MLEC: variants seen among roughly 807,000 people sequenced by gnomAD.
The protein encoded by MLEC is oligosaccharyltransferase complex subunit (non-catalytic).
A neutral mutation model predicts 28.7 loss-of-function variants in MLEC; 7 were observed. The observed-to-expected ratio is 0.24, with a 90% CI of 0.14 to 0.46. MLEC has a LOEUF of 0.46. Among genes scored for constraint, MLEC ranks in the 20% least tolerant of loss-of-function variants. The pLI is 0.99. For missense variants in MLEC, 237 were observed against 391.1 expected, an observed-to-expected ratio of 0.61 and a Z score of 3.32; for synonymous variants, 142 against 164.4, an observed-to-expected ratio of 0.86 and a Z score of 1.04.
rs1323306151 is a variant in MLEC, at chr12:120,698,221, G to GT, written c.*1682dup. 4 of 152,260 alleles carry GT rather than the reference G, an allele frequency of 2.6e-5. No individual in the cohort carries two copies. The highest frequency in any genetic ancestry group is 2.1e-4 in the South Asian group (1 of 4,824). 9.4% of individuals were successfully genotyped at this position (152,260 alleles called of 1,614,324 possible). On this transcript the variant is annotated 3_prime_UTR_variant, in exon 5 of 5. Coordinates refer to ENST00000228506, the MANE Select transcript of MLEC (RefSeq NM_014730.4). ...ATTTTGAGTTTGCTTTATTAGATAT[G>GT]TTTTTTAAGAGCTCTGTATATTTGA...
At chr12:120,689,393 G>A (rs1280889852) in intron 1 of MLEC, among the ~76,000 whole-genome samples, 1 of 152,158 alleles carries the variant, frequency 6.6e-6, no homozygotes, top group African/African-American at 2.4e-5. Context: ...TGGCCCTTGG[G>A]GCATTGTATA....
rs1464437771 is a variant in MLEC, at chr12:120,699,195, ACT to A, written c.*2651_*2652del. 2.0e-5 allele frequency: 3 copies of A among 152,426 alleles called. No individual in the cohort carries two copies. The highest frequency in any genetic ancestry group is 2.9e-5 in the Non-Finnish European group (2 of 68,030). The allele number at this position is 152,426 out of a possible 1,614,324, so 9.4% of individuals were successfully genotyped here. A position where few individuals can be genotyped will look rare whatever the true frequency, so the allele number is the denominator to read the frequency against. On this transcript the variant is annotated 3_prime_UTR_variant, in exon 5 of 5. Transcript: ENST00000228506. The stretch of plus-strand genomic sequence containing the variant: ...CTGTTGTTCACCTTTTGCTTTTTGC[ACT>A]GTTTGTTCTCTTATCTGTATTTTGA...
chr12:120,688,700 G>A (rs1329933723), intron 1 of MLEC, among the ~76,000 whole-genome samples: 1 of 151,468 alleles, frequency 6.6e-6, no homozygotes, highest in Non-Finnish European at 1.5e-5. Context: ...TTCCCAAGTC[G>A]ATTGCAGTGT....
In MLEC at chr12:120,687,540, C is replaced by A. The variant is rs766815713; in HGVS notation, c.235+9C>A. 1 of 1,492,236 alleles carries A rather than the reference C, an allele frequency of 6.7e-7. No individual in the cohort carries two copies. The highest frequency in any genetic ancestry group is 8.9e-7 in the Non-Finnish European group (1 of 1,121,486). 92.4% of individuals were successfully genotyped at this position (1,492,236 alleles called of 1,614,324 possible). ...AGGCCGGGTGGGCCGAGGTGAGAGT[C>A]CCCCTGCCGAGCCGCGGGATCCAGG... On this transcript the variant is annotated intron_variant, in intron 1 of 4. Coordinates refer to ENST00000228506, the MANE Select transcript of MLEC (RefSeq NM_014730.4). The surrounding 1 kb of genome is among the most constrained non-coding windows in gnomAD (Gnocchi z 8.1).
chr12:120,687,249 G>T lies in MLEC; in HGVS notation c.-48G>T. On this transcript the variant is annotated 5_prime_UTR_variant, in exon 1 of 5. Coordinates refer to ENST00000228506, the MANE Select transcript of MLEC (RefSeq NM_014730.4). The surrounding 1 kb of genome is among the most constrained non-coding windows in gnomAD (Gnocchi z 8.1). ...CTGAGTCCGGGGTGGCCTGGCAGCC[G>T]GCCGAGGACGAGGGTCGGCGGGGGC... The T allele has an allele frequency of 7.4e-7, 1 of 1,355,584 alleles. No individual in the cohort carries two copies. Among genetic ancestry groups the T allele is most frequent in the South Asian group, 1.9e-5 (1 of 53,314 alleles). 84.0% of individuals were successfully genotyped at this position (1,355,584 alleles called of 1,614,324 possible). A position where few individuals can be genotyped will look rare whatever the true frequency, so the allele number is the denominator to read the frequency against.
Position 120,687,644 on chromosome 12 carries a change from GAA to G in MLEC, c.235+114_235+115del. The G allele has an allele frequency of 1.3e-6, 1 of 791,746 alleles. No individual in the cohort carries two copies. Among genetic ancestry groups the G allele is most frequent in the Non-Finnish European group, 1.8e-6 (1 of 548,606 alleles). The allele number at this position is 791,746 out of a possible 1,614,324, so 49.0% of individuals were successfully genotyped here. A position where few individuals can be genotyped will look rare whatever the true frequency, so the allele number is the denominator to read the frequency against. The stretch of plus-strand genomic sequence containing the variant: ...GACCCTGGGGCCGCGTCTCTGGAGC[GAA>G]GTTTCTCTCTGCAGCTTCTTCGGGG... On this transcript the variant is annotated intron_variant, in intron 1 of 4. Transcript: ENST00000228506. This position sits in a 1 kb window ranked among gnomAD's most constrained non-coding sequence, Gnocchi z 8.1.
At position 120,695,017 on chromosome 12, in the gene MLEC, G is replaced by T; in HGVS notation, c.591+17G>T. The T allele has an allele frequency of 6.2e-7, 1 of 1,613,908 alleles. No individual in the cohort carries two copies. Among genetic ancestry groups the T allele is most frequent in the Non-Finnish European group, 8.5e-7 (1 of 1,179,794 alleles). On this transcript the variant is annotated intron_variant, in intron 3 of 4. Transcript: ENST00000228506. ...TTTGTCAAGGTAATTCCCCTATTCTGCCCATTGCTGAAGAGAGTGGGTACA... is the reference window on the plus strand; with the variant it reads ...TTTGTCAAGGTAATTCCCCTATTCTTCCCATTGCTGAAGAGAGTGGGTACA...
In MLEC at chr12:120,696,354, A is replaced by AAAG. The variant is rs1459083674; in HGVS notation, c.693_695dup (p.Glu238dup). ...TCAGCCTCATCCGGGATTGGAGAAG[A>AAAG]AAGAAGAGGAAGAAGAAGAAGAAGA... On this transcript the variant is annotated inframe_insertion, in exon 5 of 5. Coordinates refer to ENST00000228506, the MANE Select transcript of MLEC (RefSeq NM_014730.4). The surrounding 1 kb of genome is among the most constrained non-coding windows in gnomAD (Gnocchi z 5.4). The AAAG allele has an allele frequency of 2.5e-6, 4 of 1,614,152 alleles. No individual in the cohort carries two copies. Among genetic ancestry groups the AAAG allele is most frequent in the Non-Finnish European group, 3.4e-6 (4 of 1,180,018 alleles).
intron 1 of MLEC, chr12:120,693,871 G>A: frequency 2.2e-6 from 1 of 448,698 alleles, no homozygotes; most frequent in East Asian, 3.7e-5. Context: ...CTGTTGGCCT[G>A]ATTAGTGTTT....
chr12:120,687,464 A>T lies in MLEC; in HGVS notation c.168A>T (p.Gly56=), dbSNP rs1197933435. Residue 56 remains glycine, a synonymous_variant, in exon 1 of 5, where the codon GGA becomes GGT. Coordinates refer to ENST00000228506, the MANE Select transcript of MLEC (RefSeq NM_014730.4). The surrounding 1 kb of genome is among the most constrained non-coding windows in gnomAD (Gnocchi z 8.1). ...ESVIWAVNAG[G]EAHVDVHGIH... ...TCATTTGGGCGGTCAACGCGGGTGGAGAGGCGCATGTGGACGTGCACGGGA... is the reference window on the plus strand; with the variant it reads ...TCATTTGGGCGGTCAACGCGGGTGGTGAGGCGCATGTGGACGTGCACGGGA... 7.0e-7 allele frequency: 1 copy of T among 1,419,134 alleles called. No individual in the cohort carries two copies. Among genetic ancestry groups the T allele is most frequent in the South Asian group, 1.7e-5 (1 of 59,016 alleles). 87.9% of individuals were successfully genotyped at this position (1,419,134 alleles called of 1,614,324 possible). A position where few individuals can be genotyped will look rare whatever the true frequency, so the allele number is the denominator to read the frequency against.
chr12:120,688,855 C>CT (rs1284757772), intron 1 of MLEC, among the ~76,000 whole-genome samples: 1 of 152,206 alleles, frequency 6.6e-6, no homozygotes, highest in Non-Finnish European at 1.5e-5. Flanking sequence ...GTTCAGCTGA[C>CT]TCAGGGCTCC....
In MLEC at chr12:120,696,111, G is replaced by A. The variant is rs1882221314; in HGVS notation, c.650-205G>A. On this transcript the variant is annotated intron_variant, in intron 4 of 4. Coordinates refer to ENST00000228506, the MANE Select transcript of MLEC (RefSeq NM_014730.4). The surrounding 1 kb of genome is among the most constrained non-coding windows in gnomAD (Gnocchi z 5.4). ...GATAGTGAACCTCCCTATGAGCACGGCTTTTTCTACTTTCTAGTTAAATCT... is the reference window on the plus strand; with the variant it reads ...GATAGTGAACCTCCCTATGAGCACGACTTTTTCTACTTTCTAGTTAAATCT... Among the ~76,000 whole-genome samples the A allele has an allele frequency of 3.9e-5, 6 of 152,296 alleles. No individual in the cohort carries two copies. In the South Asian group the frequency reaches 1.2e-3, roughly 32 times the overall value.
In MLEC at chr12:120,687,307, C is replaced by T; in HGVS notation, c.11C>T (p.Ala4Val). 5 of 1,395,192 alleles carry T rather than the reference C, an allele frequency of 3.6e-6. No homozygotes were observed. The highest frequency in any genetic ancestry group is 1.5e-5 in the African/African-American group (1 of 65,346). The allele number at this position is 1,395,192 out of a possible 1,614,324, so 86.4% of individuals were successfully genotyped here. A position where few individuals can be genotyped will look rare whatever the true frequency, so the allele number is the denominator to read the frequency against. ...GTGGTGGTGGCCGCCATGCTGGGAG[C>T]CTGGGCGGTTGAGGGAACCGCTGTG... is the stretch of plus-strand genomic sequence containing the variant. MLG[A>V]WAVEGTAVAL... The change falls in exon 1 of 5, where the codon GCC becomes GTC. Residue 4 changes from alanine (A) to valine (V), a missense_variant. By Grantham distance (64) the Ala-to-Val change is moderately conservative. Transcript: ENST00000228506. The surrounding 1 kb of genome is among the most constrained non-coding windows in gnomAD (Gnocchi z 8.1).
intron 1 of MLEC, among the ~76,000 whole-genome samples, chr12:120,688,954 A>G (rs989859538): frequency 5.3e-5 from 8 of 152,234 alleles, no homozygotes; most frequent in African/African-American, 1.7e-4. Flanking sequence ...CTCTTTCTTC[A>G]CGAGTGTGGG....
intron 1 of MLEC, among the ~76,000 whole-genome samples, chr12:120,688,202 C>T (rs186017499): frequency 9.5e-4 from 145 of 152,324 alleles, no homozygotes; most frequent in African/African-American, 3.4e-3. Context: ...CTTACAACCT[C>T]CCCTAGGTGA....
intron 1 of MLEC, among the ~76,000 whole-genome samples, chr12:120,690,906 T>A (rs985893987): frequency 6.6e-6 from 1 of 152,170 alleles, no homozygotes; most frequent in African/African-American, 2.4e-5. Flanking sequence ...ATAGTGGAAG[T>A]TCACAGGTAG....
At chr12:120,689,036 G>A (rs943957433) in intron 1 of MLEC, among the ~76,000 whole-genome samples, 1 of 152,210 alleles carries the variant, frequency 6.6e-6, no homozygotes, top group Non-Finnish European at 1.5e-5. Flanking sequence ...GGTGGTGAGG[G>A]TGCTGAGCGG....
chr12:120,689,897 T>A (rs1881974105), intron 1 of MLEC, among the ~76,000 whole-genome samples: 1 of 152,266 alleles, frequency 6.6e-6, no homozygotes, highest in South Asian at 2.1e-4. Context: ...TCTTTTGAAC[T>A]TGCTGTTTCT....
At chr12:120,688,198 A>G (rs2137411202) in intron 1 of MLEC, among the ~76,000 whole-genome samples, 1 of 152,190 alleles carries the variant, frequency 6.6e-6, no homozygotes, top group Non-Finnish European at 1.5e-5. Flanking sequence ...AATGCTTACA[A>G]CCTCCCCTAG....
Sources: allele counts gnomAD v4.1 joint callset (sites outside exome capture counted in the v4.1 genomes callset), GRCh38; gene constraint gnomAD v4.1.1; non-coding constraint Gnocchi (gnomAD v3.1); transcripts MANE v1.5; gene names NCBI Gene and HGNC (gene_info 2026-07-23, HGNC 2026-07-21).